ROBO2: variants seen among roughly 807,000 people sequenced by gnomAD.
ROBO2 encodes the protein roundabout guidance receptor 2.
A neutral mutation model predicts 160.8 loss-of-function variants in ROBO2; 53 were observed. The observed-to-expected ratio is 0.33, with a 90% CI of 0.26 to 0.41. ROBO2 has a LOEUF of 0.41. Ranked by LOEUF, ROBO2 falls within the 10% of genes least tolerant of loss-of-function variation. The pLI is 1.00. For missense variants in ROBO2, 1,577 were observed against 1,722.4 expected (o/e 0.92, Z 1.49); for synonymous variants, 664 against 611.7 (o/e 1.09, Z -1.26).
chr3:77,144,939 T>G (rs931969197), intron 2 of ROBO2, among the ~76,000 whole-genome samples: 6 of 152,172 alleles, frequency 3.9e-5, no homozygotes, highest in Non-Finnish European at 8.8e-5. Context: ...TCATCATTTT[T>G]TTGTCTTATT....
At chr3:75,988,416 CT>C (rs1386587705) in intron 2 of ROBO2, among the ~76,000 whole-genome samples, 1 of 151,928 alleles carries the variant, frequency 6.6e-6, no homozygotes, top group Non-Finnish European at 1.5e-5. Flanking sequence ...AGCCTTCATT[CT>C]TTTTAAGTCA....
intron 2 of ROBO2, among the ~76,000 whole-genome samples, chr3:76,884,416 A>T (rs149155433): frequency 6.6e-6 from 1 of 152,290 alleles, no homozygotes; most frequent in Non-Finnish European, 1.5e-5. Context: ...TTCTCACAGA[A>T]CTCACTTTCT....
chr3:76,540,008 A>G (rs1007997147), intron 2 of ROBO2, among the ~76,000 whole-genome samples: 1 of 152,238 alleles, frequency 6.6e-6, no homozygotes, highest in African/African-American at 2.4e-5. Context: ...TAGTTAACAC[A>G]GATATTTCCA....
At chr3:76,804,007 T>A (rs1041077164) in intron 2 of ROBO2, among the ~76,000 whole-genome samples, 1 of 152,206 alleles carries the variant, frequency 6.6e-6, no homozygotes, top group African/African-American at 2.4e-5. Flanking sequence ...GAACTAATAT[T>A]TATGAGCTGC....
chr3:76,994,221 T>G (rs188678344), intron 2 of ROBO2, among the ~76,000 whole-genome samples: 60 of 152,294 alleles, frequency 3.9e-4, no homozygotes, highest in African/African-American at 1.4e-3. Context: ...GTGCCATGTA[T>G]CCAACAACAA....
intron 2 of ROBO2, among the ~76,000 whole-genome samples, chr3:76,594,229 A>C (rs1429534516): frequency 6.6e-6 from 1 of 152,036 alleles, no homozygotes; most frequent in Non-Finnish European, 1.5e-5. Flanking sequence ...GAGTAGGATC[A>C]GATCAAAATC....
intron 2 of ROBO2, among the ~76,000 whole-genome samples, chr3:76,083,333 A>G (rs1015354259): frequency 1.3e-5 from 2 of 152,160 alleles, no homozygotes; most frequent in Non-Finnish European, 2.9e-5. Flanking sequence ...TTGGAAAAGT[A>G]TTAAGATCAG....
intron 2 of ROBO2, among the ~76,000 whole-genome samples, chr3:77,285,776 A>G (rs948144175): frequency 6.6e-6 from 1 of 152,202 alleles, no homozygotes; most frequent in Non-Finnish European, 1.5e-5. Flanking sequence ...AGGCAAAACA[A>G]AAAGAAAAAA....
intron 2 of ROBO2, among the ~76,000 whole-genome samples, chr3:76,389,937 T>C (rs2077067715): frequency 2.6e-5 from 4 of 152,202 alleles, no homozygotes; most frequent in Admixed American, 1.3e-4. Flanking sequence ...CTGTAGCTTA[T>C]TGTTTTCAGT....
chr3:76,914,691 A>G (rs1028511581), intron 2 of ROBO2, among the ~76,000 whole-genome samples: 1 of 152,174 alleles, frequency 6.6e-6, no homozygotes, highest in African/African-American at 2.4e-5. Flanking sequence ...TGCTATACAT[A>G]TCAATATACA....
chr3:76,766,089 G>A (rs1216961143), intron 2 of ROBO2, among the ~76,000 whole-genome samples: 1 of 151,378 alleles, frequency 6.6e-6, no homozygotes, highest in African/African-American at 2.4e-5. Context: ...TTCACAAATC[G>A]AATAACTGTC....
intron 2 of ROBO2, among the ~76,000 whole-genome samples, chr3:76,884,865 A>T (rs576461313): frequency 4.6e-5 from 7 of 152,244 alleles, no homozygotes; most frequent in African/African-American, 1.7e-4. Context: ...TCACTTTCAC[A>T]TCTCCCCAAA....
chr3:77,240,555 G>A (rs1395215349), intron 2 of ROBO2, among the ~76,000 whole-genome samples: 1 of 152,172 alleles, frequency 6.6e-6, no homozygotes, highest in East Asian at 1.9e-4. Flanking sequence ...GGGCTGAAGG[G>A]CTCCTCAAGC....
intron 21 of ROBO2, among the ~76,000 whole-genome samples, chr3:77,612,439 A>G (rs1287105702): frequency 6.6e-6 from 1 of 152,186 alleles, no homozygotes; most frequent in African/African-American, 2.4e-5. Flanking sequence ...TCTCCTTCAT[A>G]TGATATACAC....
intron 2 of ROBO2, among the ~76,000 whole-genome samples, chr3:77,024,977 T>C (rs1241661862): frequency 6.6e-6 from 1 of 151,788 alleles, no homozygotes; most frequent in Non-Finnish European, 1.5e-5. Context: ...TTTTTGTTTG[T>C]TTTTTGTTTT....
intron 2 of ROBO2, among the ~76,000 whole-genome samples, chr3:76,007,904 G>C (rs2066071011): frequency 6.6e-6 from 1 of 151,938 alleles, no homozygotes. Context: ...AAGGATATTA[G>C]AGAAAATTAG....
At chr3:76,477,560 C>T (rs185695335) in intron 2 of ROBO2, among the ~76,000 whole-genome samples, 1 of 152,186 alleles carries the variant, frequency 6.6e-6, no homozygotes. Flanking sequence ...AGCCATTATA[C>T]CTCTAGTTTC....
intron 4 of ROBO2, among the ~76,000 whole-genome samples, chr3:77,489,330 T>C (rs929090566): frequency 2.0e-5 from 3 of 152,168 alleles, no homozygotes; most frequent in Non-Finnish European, 4.4e-5. Flanking sequence ...GTATACCACA[T>C]ATGCTCCTGT....
intron 2 of ROBO2, among the ~76,000 whole-genome samples, chr3:77,389,355 A>G (rs902667695): frequency 3.9e-5 from 6 of 152,308 alleles, no homozygotes; most frequent in Admixed American, 3.9e-4. Context: ...TTAAAAAAAA[A>G]TCCAGTTCCT....
Sources: gnomAD v4.1 joint callset for allele counts (sites outside exome capture counted in the v4.1 genomes callset) on GRCh38, gnomAD v4.1.1 for gene constraint, MANE v1.5 for transcripts, NCBI Gene and HGNC (gene_info 2026-07-23, HGNC 2026-07-21) for gene names.